The following ATRNL1 variants were observed in gnomAD, a reference collection of about 807,000 sequenced individuals.
ATRNL1 encodes the protein attractin like 1.
Under a neutral mutation model 182.7 loss-of-function variants are expected in ATRNL1, and 95 were observed. That is an observed-to-expected ratio of 0.52 (90% CI 0.44 to 0.62). The LOEUF (loss-of-function observed/expected upper bound fraction) is 0.62. Ranked by LOEUF, ATRNL1 falls within the 20% of genes least tolerant of loss-of-function variation. The probability of loss-of-function intolerance (pLI) is 0.00; values close to 1 mark genes in which losing one functional copy is unlikely to be tolerated. For synonymous variants in ATRNL1, 576 were observed against 568.3 expected, an observed-to-expected ratio of 1.01 and a Z score of -0.19; for missense variants, 1,471 against 1,679.5, an observed-to-expected ratio of 0.88 and a Z score of 2.17.
chr10:115,508,140 A>G (rs1267659494), intron 24 of ATRNL1, among the ~76,000 whole-genome samples: 1 of 151,972 alleles, frequency 6.6e-6, no homozygotes, highest in East Asian at 1.9e-4. Flanking sequence ...AATTATTACT[A>G]TATAGATTAT....
chr10:115,519,279 A>G lies in ATRNL1; in HGVS notation c.3671A>G (p.His1224Arg), dbSNP rs1461828743. The change falls in exon 25 of 29, where the codon CAC becomes CGC. Residue 1224 changes from histidine to arginine, a missense_variant. His to Arg is a conservative substitution (Grantham distance 29). This residue lies in a region of ATRNL1 where 437 missense variants were observed against 506.0 expected (regional missense o/e 0.86). Coordinates refer to ENST00000355044, the MANE Select transcript of ATRNL1 (RefSeq NM_207303.4). ...PIKIQIAFSQ[H>R]NTIMDLVQFF... ...ATTTTTCAGATTGCATTCTCACAAC[A>G]CAATACAATCATGGACCTTGTGCAG... 6.2e-7 allele frequency: 1 copy of G among 1,610,940 alleles called. No homozygotes were observed. Among genetic ancestry groups the G allele is most frequent in the East Asian group, 2.2e-5 (1 of 44,712 alleles).
At chr10:115,535,672 A>C (rs1403520770) in intron 25 of ATRNL1, among the ~76,000 whole-genome samples, 3 of 152,022 alleles carry the variant, frequency 2.0e-5, no homozygotes, top group Non-Finnish European at 4.4e-5. Flanking sequence ...CGTTTGGAGG[A>C]GGGGAGGTGC....
intron 1 of ATRNL1, chr10:115,096,628 CT>C: frequency 1.6e-6 from 2 of 1,283,892 alleles, no homozygotes; most frequent in Admixed American, 2.3e-5. Context: ...GGTAACTTAG[CT>C]TTTTTTCTAC....
intron 1 of ATRNL1, among the ~76,000 whole-genome samples, chr10:115,106,922 A>G (rs1554866130): frequency 1.3e-5 from 2 of 152,228 alleles, no homozygotes; most frequent in Non-Finnish European, 2.9e-5. Context: ...TCTAAGATCA[A>G]GAGGCTGACA....
intron 27 of ATRNL1, among the ~76,000 whole-genome samples, chr10:115,736,408 A>T (rs1017107686): frequency 6.6e-6 from 1 of 151,922 alleles, no homozygotes; most frequent in Non-Finnish European, 1.5e-5. Context: ...TTCTTTTTTT[A>T]AATCTGACAG....
At chr10:115,126,816 T>G (rs1844995751) in intron 3 of ATRNL1, among the ~76,000 whole-genome samples, 1 of 152,180 alleles carries the variant, frequency 6.6e-6, no homozygotes, top group Non-Finnish European at 1.5e-5. Context: ...ATTGCATGTT[T>G]TCATAGATTT....
At chr10:115,637,579 A>C (rs1858957262) in intron 26 of ATRNL1, among the ~76,000 whole-genome samples, 1 of 147,074 alleles carries the variant, frequency 6.8e-6, no homozygotes, top group South Asian at 2.1e-4. Context: ...AATAATTAAA[A>C]AGTAAGCTAA....
intron 28 of ATRNL1, among the ~76,000 whole-genome samples, chr10:115,920,467 A>G (rs1301003470): frequency 1.3e-5 from 2 of 152,200 alleles, no homozygotes; most frequent in Non-Finnish European, 2.9e-5. Context: ...TGTAATTCTG[A>G]GACACTCACC....
chr10:115,449,004 A>G (rs1847154010), intron 21 of ATRNL1, among the ~76,000 whole-genome samples: 1 of 152,180 alleles, frequency 6.6e-6, no homozygotes, highest in Non-Finnish European at 1.5e-5. Flanking sequence ...ACCCCTCCCC[A>G]TATTATTCTA....
chr10:115,809,168 T>C (rs1825973771), intron 27 of ATRNL1, among the ~76,000 whole-genome samples: 1 of 152,104 alleles, frequency 6.6e-6, no homozygotes, highest in Non-Finnish European at 1.5e-5. Context: ...TTTGTTGACT[T>C]CATTCTGTTT....
intron 22 of ATRNL1, among the ~76,000 whole-genome samples, chr10:115,463,425 T>C (rs1352696545): frequency 6.6e-6 from 1 of 152,154 alleles, no homozygotes; most frequent in African/African-American, 2.4e-5. Flanking sequence ...TACATAGATA[T>C]ATTAACAATC....
chr10:115,454,885 C>G (rs1847448448), intron 21 of ATRNL1, among the ~76,000 whole-genome samples: 1 of 151,910 alleles, frequency 6.6e-6, no homozygotes, highest in Non-Finnish European at 1.5e-5. Context: ...ATTTAGATAC[C>G]TTTTCTTTTT....
At chr10:115,215,915 CATT>C in intron 9 of ATRNL1, 35 bp downstream of exon 9, 1 of 1,403,390 alleles carries the variant, frequency 7.1e-7, no homozygotes, top group African/African-American at 1.5e-5. Context: ...TCTATGTTGC[CATT>C]ATTATTGTAA....
chr10:115,824,590 C>T (rs1161697918), intron 27 of ATRNL1, among the ~76,000 whole-genome samples: 1 of 151,888 alleles, frequency 6.6e-6, no homozygotes, highest in Non-Finnish European at 1.5e-5. Context: ...AAAAAAACCC[C>T]ATCAAAAAGT....
intron 26 of ATRNL1, among the ~76,000 whole-genome samples, chr10:115,596,947 C>T (rs782742261): frequency 6.6e-6 from 1 of 151,114 alleles, no homozygotes; most frequent in Non-Finnish European, 1.5e-5. Flanking sequence ...CATTTATTTC[C>T]TATTTATTTT....
intron 19 of ATRNL1, among the ~76,000 whole-genome samples, chr10:115,348,617 A>G (rs1292855809): frequency 6.6e-6 from 1 of 152,194 alleles, no homozygotes; most frequent in East Asian, 1.9e-4. Context: ...GTTATTTGCA[A>G]TGAAGGAATA....
intron 27 of ATRNL1, among the ~76,000 whole-genome samples, chr10:115,760,776 A>G (rs1948715700): frequency 6.6e-6 from 1 of 152,246 alleles, no homozygotes; most frequent in Admixed American, 6.5e-5. Context: ...AAGGTTATCA[A>G]GTAGTAAGTA....
intron 5 of ATRNL1, among the ~76,000 whole-genome samples, chr10:115,130,692 C>T (rs1441630794): frequency 6.6e-6 from 1 of 152,000 alleles, no homozygotes; most frequent in African/African-American, 2.4e-5. Flanking sequence ...TTCTTCCCCC[C>T]AAAAGTGCCT....
chr10:115,645,955 T>G (rs1859582653), intron 26 of ATRNL1, among the ~76,000 whole-genome samples: 1 of 151,782 alleles, frequency 6.6e-6, no homozygotes, highest in Non-Finnish European at 1.5e-5. Flanking sequence ...ATATCAACCT[T>G]TAGATCCCAT....
Sources: allele counts gnomAD v4.1 joint callset (sites outside exome capture counted in the v4.1 genomes callset), GRCh38; gene constraint gnomAD v4.1.1; regional missense constraint gnomAD v4.1.1; transcripts MANE v1.5; gene names NCBI Gene and HGNC (gene_info 2026-07-23, HGNC 2026-07-21).